DNPEP: variants seen among roughly 807,000 people sequenced by gnomAD.
The protein encoded by DNPEP is aspartyl aminopeptidase.
Under a neutral mutation model 59.1 loss-of-function variants are expected in DNPEP, and 46 were observed. The ratio of observed to expected loss-of-function variants is 0.78; its 90% CI spans 0.61 to 0.99. The LOEUF (loss-of-function observed/expected upper bound fraction) is 0.99. Among genes scored for constraint, DNPEP ranks in the 50% least tolerant of loss-of-function variants. The probability of loss-of-function intolerance (pLI) is 0.00; values close to 1 mark genes in which losing one functional copy is unlikely to be tolerated. For missense variants in DNPEP, 617 were observed against 649.9 expected, an observed-to-expected ratio of 0.95 and a Z score of 0.55; for synonymous variants, 229 against 242.2, an observed-to-expected ratio of 0.95 and a Z score of 0.50.
In DNPEP at chr2:219,386,390, T is replaced by C; in HGVS notation, c.355A>G (p.Ser119Gly). ...CCGACTTGCTGGAAGCCCACCTGGC[T>C]GCGGCGAGACCGACGTTTCACCTGA... ...CLRVKRRSRRSQVGFQQVGVE... is the reference protein window; with the variant it reads ...CLRVKRRSRRGQVGFQQVGVE... Residue 119 changes from serine to glycine, a missense_variant, in exon 5 of 15, where the codon AGC becomes GGC. By Grantham distance (56) the Ser-to-Gly change is moderately conservative. Coordinates refer to ENST00000273075, the MANE Select transcript of DNPEP (RefSeq NM_012100.4). 1 of 1,614,184 alleles carries C rather than the reference T, an allele frequency of 6.2e-7. No homozygotes were observed. The highest frequency in any genetic ancestry group is 8.5e-7 in the Non-Finnish European group (1 of 1,180,028).
intron 6 of DNPEP, 77 bp from the exon 7 acceptor site, chr2:219,385,783 C>T: frequency 7.0e-7 from 1 of 1,433,346 alleles, no homozygotes; most frequent in African/African-American, 1.4e-5. Context: ...TCAGGTGCCT[C>T]CTGATGGGCA....
rs574428475 is a variant in DNPEP, at chr2:219,372,914, CTATAT to C, written c.*1373_*1377del. 4.5e-4 allele frequency among the ~76,000 whole-genome samples: 68 copies of C among 151,998 alleles called. No homozygotes were observed. Among genetic ancestry groups the C allele is most frequent in the African/African-American group, 1.2e-3 (51 of 41,444 alleles). On this transcript the variant is annotated 3_prime_UTR_variant, in exon 15 of 15. Transcript: ENST00000273075. ...TATATGTATTGATATAGAAATATCT[CTATAT>C]TATATTAAGTTTTTTAGAAAGCTGA...
intron 13 of DNPEP, among the ~76,000 whole-genome samples, chr2:219,381,089 C>T (rs992267409): frequency 2.6e-5 from 4 of 152,210 alleles, no homozygotes; most frequent in African/African-American, 9.7e-5. Context: ...ACTATCACCC[C>T]TATTCTACAG....
upstream of DNPEP, chr2:219,388,379 C>A (rs1283326391): frequency 6.8e-6 from 1 of 146,120 alleles, no homozygotes; most frequent in South Asian, 2.2e-4. Flanking sequence ...CCACCCCGCC[C>A]CGCTCCTCGC....
rs1431120622 is a variant in DNPEP at position 219,381,447 on chromosome 2, T to A, written c.1138-11A>T. The A allele has an allele frequency of 3.1e-6, 5 of 1,613,286 alleles. No homozygotes were observed. The highest frequency in any genetic ancestry group is 4.2e-6 in the Non-Finnish European group (5 of 1,179,854). On this transcript the variant is annotated splice_polypyrimidine_tract_variant and intron_variant, in intron 12 of 14. Transcript: ENST00000273075. ...CTTGATCACGGGGCCCTGGGGAGAG[T>A]CAAGGTGAGGCAGAGGTAATGACAG... is the stretch of plus-strand genomic sequence containing the variant.
At chr2:219,397,172 G>A (rs763976441) in intron 1 of DNPEP, among the ~76,000 whole-genome samples, 2 of 152,092 alleles carry the variant, frequency 1.3e-5, no homozygotes, top group African/African-American at 2.4e-5. Flanking sequence ...GCTGTGGGTC[G>A]TATTTGCCGT....
chr2:219,398,421 G>A (rs1011891158), intron 1 of DNPEP, among the ~76,000 whole-genome samples: 2 of 152,342 alleles, frequency 1.3e-5, no homozygotes, highest in African/African-American at 4.8e-5. Context: ...AGGCCAAGGC[G>A]GGTGGATCAC....
chr2:219,395,072 C>T (rs778104339), intron 1 of DNPEP, among the ~76,000 whole-genome samples: 11 of 152,078 alleles, frequency 7.2e-5, no homozygotes, highest in Non-Finnish European at 1.5e-4. Flanking sequence ...TCTCCTGCCT[C>T]AGCCTCCTGA....
At chr2:219,399,516 C>T (rs1954151410) in intron 1 of DNPEP, 2 of 492,070 alleles carry the variant, frequency 4.1e-6, no homozygotes, top group Non-Finnish European at 8.0e-6. Context: ...AGTAATTTTG[C>T]CATCTTTAGA....
At position 219,387,743 on chromosome 2, in the gene DNPEP, G is replaced by A. The variant is rs748664823; in HGVS notation, c.36+16C>T. ...CTGGGATCGAAATTCAAGTGGGGCC[G>A]TCGGGAGCCACTTACCTGCATGGCC... On this transcript the variant is annotated intron_variant, in intron 1 of 14. Coordinates refer to ENST00000273075, the MANE Select transcript of DNPEP (RefSeq NM_012100.4). 3.7e-6 allele frequency: 6 copies of A among 1,607,316 alleles called. No homozygotes were observed. In the East Asian group the frequency reaches 1.1e-4, roughly 30 times the overall value.
At chr2:219,387,449 T>G (rs1175977894) in intron 1 of DNPEP, 2 of 1,432,676 alleles carry the variant, frequency 1.4e-6, no homozygotes, top group African/African-American at 1.4e-5. Context: ...AATCCTGTTC[T>G]GCTCCCAAAC....
chr2:219,387,770 C>T lies in DNPEP; in HGVS notation c.25G>A (p.Gly9Arg), dbSNP rs759725021. 21 of 1,604,932 alleles carry T rather than the reference C, an allele frequency of 1.3e-5. No individual in the cohort carries two copies. Among genetic ancestry groups the T allele is most frequent in the Non-Finnish European group, 1.6e-5 (19 of 1,176,562 alleles). ...CGGGAGCCACTTACCTGCATGGCCCCGCGCGTGGGGCTGTGTCCGCTCATC... is the reference window on the plus strand; with the variant it reads ...CGGGAGCCACTTACCTGCATGGCCCTGCGCGTGGGGCTGTGTCCGCTCATC... MSGHSPTR[G>R]AMQVAMNGKA... Residue 9 changes from glycine to arginine, a missense_variant, in exon 1 of 15, where the codon GGG becomes AGG. Coordinates refer to ENST00000273075, the MANE Select transcript of DNPEP (RefSeq NM_012100.4).
upstream of DNPEP, among the ~76,000 whole-genome samples, chr2:219,393,144 C>T (rs996612013): frequency 6.6e-6 from 1 of 152,154 alleles, no homozygotes; most frequent in Non-Finnish European, 1.5e-5. Context: ...CGAACCCTAA[C>T]AATAACTGAT....
At chr2:219,389,285 ACT>A (rs1953972442), upstream of DNPEP, among the ~76,000 whole-genome samples, 1 of 151,516 alleles carries the variant, frequency 6.6e-6, no homozygotes, top group African/African-American at 2.4e-5. Context: ...ACTGATCAGG[ACT>A]CTTGGTGGCC....
chr2:219,387,754 C>G lies in DNPEP; in HGVS notation c.36+5G>C. The stretch of plus-strand genomic sequence containing the variant: ...ATTCAAGTGGGGCCGTCGGGAGCCA[C>G]TTACCTGCATGGCCCCGCGCGTGGG... On this transcript the variant is annotated splice_donor_5th_base_variant and intron_variant, in intron 1 of 14. Coordinates refer to ENST00000273075, the MANE Select transcript of DNPEP (RefSeq NM_012100.4). 6.2e-7 allele frequency: 1 copy of G among 1,608,466 alleles called. No homozygotes were observed. The highest frequency in any genetic ancestry group is 8.5e-7 in the Non-Finnish European group (1 of 1,178,014).
chr2:219,392,616 C>T (rs1421947013), upstream of DNPEP, among the ~76,000 whole-genome samples: 2 of 152,170 alleles, frequency 1.3e-5, no homozygotes. Flanking sequence ...TCCAGAGATT[C>T]TCCTGCCTCA....
At chr2:219,387,465 G>C (rs1953898695) in intron 1 of DNPEP, 4 of 1,431,852 alleles carry the variant, frequency 2.8e-6, no homozygotes, top group Non-Finnish European at 3.7e-6. Flanking sequence ...CAAACTCCGG[G>C]ATCCCAAGCG....
At chr2:219,395,921 A>G (rs936793179) in intron 1 of DNPEP, among the ~76,000 whole-genome samples, 1 of 152,224 alleles carries the variant, frequency 6.6e-6, no homozygotes, top group African/African-American at 2.4e-5. Context: ...GGTAGTGGAT[A>G]TACAATAAAC....
Position 219,387,886 on chromosome 2 carries a change from C to G in DNPEP, c.-92G>C. 2.8e-6 allele frequency: 4 copies of G among 1,445,542 alleles called. No individual in the cohort carries two copies. The highest frequency in any genetic ancestry group is 3.6e-6 in the Non-Finnish European group (4 of 1,099,514). 89.5% of individuals were successfully genotyped at this position (1,445,542 alleles called of 1,614,324 possible). On this transcript the variant is annotated 5_prime_UTR_variant, in exon 1 of 15. Coordinates refer to ENST00000273075, the MANE Select transcript of DNPEP (RefSeq NM_012100.4). ...CCCCGCGTGCCCCTTCAGGCCGCGC[C>G]GCACTCGTAGGCCTTCATCACGCTT...
Sources: allele counts gnomAD v4.1 joint callset (sites outside exome capture counted in the v4.1 genomes callset), GRCh38; gene constraint gnomAD v4.1.1; transcripts MANE v1.5; gene names NCBI Gene and HGNC (gene_info 2026-07-23, HGNC 2026-07-21).